PIGN: variants seen among roughly 807,000 people sequenced by gnomAD.
PIGN encodes GPI ethanolamine phosphate transferase 1.
Under a neutral mutation model 125.4 loss-of-function variants are expected in PIGN, and 117 were observed. The ratio of observed to expected loss-of-function variants is 0.93; its 90% CI spans 0.80 to 1.09. The LOEUF is 1.09. PIGN is among the 50% of genes least tolerant of loss of function. PIGN has a pLI of 0.00. For missense variants in PIGN, 1,075 were observed against 1,094.9 expected, an observed-to-expected ratio of 0.98 and a Z score of 0.26; for synonymous variants, 392 against 377.8, an observed-to-expected ratio of 1.04 and a Z score of -0.44.
chr18:62,161,377 CA>C lies in PIGN; in HGVS notation c.-25del. ...ATATCCAGTGTAACTAATTAGTCTT[CA>C]AGAACAGCTGAAAGAGAGAACAAAA... On this transcript the variant is annotated 5_prime_UTR_variant, in exon 4 of 31. The change creates a premature stop within an existing upstream ORF in the 5' untranslated region. Coordinates refer to ENST00000640252, the MANE Select transcript of PIGN (RefSeq NM_176787.5). 1 of 1,509,622 alleles carries C rather than the reference CA, an allele frequency of 6.6e-7. No homozygotes were observed. Among genetic ancestry groups the C allele is most frequent in the Non-Finnish European group, 9.2e-7 (1 of 1,091,118 alleles). The allele number at this position is 1,509,622 out of a possible 1,614,324, so 93.5% of individuals were successfully genotyped here.
At chr18:62,127,934 T>C (rs1027674740) in intron 14 of PIGN, among the ~76,000 whole-genome samples, 6 of 152,022 alleles carry the variant, frequency 3.9e-5, no homozygotes, top group South Asian at 2.1e-4. Flanking sequence ...CAATTAAAAA[T>C]ACATGGTGCT....
chr18:62,166,273 A>G (rs1673763409), intron 1 of PIGN, among the ~76,000 whole-genome samples: 1 of 152,220 alleles, frequency 6.6e-6, no homozygotes, highest in Non-Finnish European at 1.5e-5. Flanking sequence ...ACCCTGCAGC[A>G]GGCTTCTTCT....
At chr18:62,036,023 A>C (rs1422004933) in intron 23 of PIGN, among the ~76,000 whole-genome samples, 1 of 152,006 alleles carries the variant, frequency 6.6e-6, no homozygotes, top group East Asian at 1.9e-4. Context: ...CATTATTCCT[A>C]GGTTGCAAAA....
At chr18:62,170,882 G>A (rs1036528531) in intron 1 of PIGN, among the ~76,000 whole-genome samples, 1 of 152,200 alleles carries the variant, frequency 6.6e-6, no homozygotes, top group African/African-American at 2.4e-5. Context: ...TTGCTGATAT[G>A]AAGAAAATTT....
At chr18:62,156,644 T>C (rs1242284770) in intron 6 of PIGN, among the ~76,000 whole-genome samples, 1 of 152,164 alleles carries the variant, frequency 6.6e-6, no homozygotes, top group Non-Finnish European at 1.5e-5. Context: ...GTTTAAATCT[T>C]TATATGAGTA....
At chr18:62,160,236 T>C (rs17716045) in intron 4 of PIGN, among the ~76,000 whole-genome samples, 88,701 of 152,120 alleles carry the variant, frequency 0.58, 26,646 homozygotes, top group East Asian at 0.79. Flanking sequence ...AATCTCTCCA[T>C]AACAGCATTA....
intron 7 of PIGN, among the ~76,000 whole-genome samples, chr18:62,153,125 C>T (rs554753688): frequency 6.6e-6 from 1 of 152,266 alleles, no homozygotes; most frequent in African/African-American, 2.4e-5. Flanking sequence ...TGTTGGCCTG[C>T]AATACCTTTC....
chr18:62,171,144 A>G (rs2037332812), intron 1 of PIGN, among the ~76,000 whole-genome samples: 1 of 152,198 alleles, frequency 6.6e-6, no homozygotes, highest in Admixed American at 6.5e-5. Flanking sequence ...ATAACTCTCC[A>G]TTTATTTAGG....
chr18:62,091,607 G>A (rs1043876683), intron 23 of PIGN, among the ~76,000 whole-genome samples: 3 of 152,114 alleles, frequency 2.0e-5, no homozygotes, highest in East Asian at 3.9e-4. Flanking sequence ...CATGTCCACC[G>A]GGGAATGATT....
chr18:62,102,996 C>T, intron 20 of PIGN, 94 bp from the exon 21 acceptor site: 1 of 555,282 alleles, frequency 1.8e-6, no homozygotes, highest in Non-Finnish European at 2.9e-6. Context: ...AATACAGAAC[C>T]TCTCAGTCAT....
At chr18:62,107,340 A>G (rs908815096) in intron 17 of PIGN, 7 of 377,920 alleles carry the variant, frequency 1.9e-5, no homozygotes, top group Non-Finnish European at 3.4e-5. Context: ...CAGGCCTGTA[A>G]TCCCAGCACT....
intron 14 of PIGN, 148 bp downstream of exon 14, chr18:62,138,095 A>G (rs776264105): frequency 1.3e-4 from 149 of 1,115,244 alleles, no homozygotes; most frequent in Non-Finnish European, 1.8e-4. Flanking sequence ...AACAACAGCA[A>G]TAGAAGAGGA....
At chr18:62,169,172 A>G (rs4941117) in intron 1 of PIGN, among the ~76,000 whole-genome samples, 62,548 of 151,994 alleles carry the variant, frequency 0.41, 13,545 homozygotes, top group East Asian at 0.78. Context: ...TTCTACCACT[A>G]TAGATTTGTT....
chr18:62,050,236 G>T (rs1455950659), intron 30 of PIGN, among the ~76,000 whole-genome samples: 2 of 152,298 alleles, frequency 1.3e-5, no homozygotes, highest in Admixed American at 6.5e-5. Flanking sequence ...ATTCTGTGAA[G>T]AAAGGCATTG....
At chr18:62,048,139 C>A (rs528174273) in intron 30 of PIGN, among the ~76,000 whole-genome samples, 3 of 151,978 alleles carry the variant, frequency 2.0e-5, no homozygotes, top group Non-Finnish European at 4.4e-5. Context: ...GATAAAACAA[C>A]AGAATTTACC....
intron 23 of PIGN, among the ~76,000 whole-genome samples, chr18:62,028,050 C>T (rs1482706389): frequency 2.6e-5 from 4 of 152,260 alleles, no homozygotes; most frequent in African/African-American, 9.6e-5. Flanking sequence ...CTGTGCTCCC[C>T]TGTGGCAAGG....
intron 14 of PIGN, among the ~76,000 whole-genome samples, chr18:62,124,749 G>A (rs1270109516): frequency 2.0e-5 from 3 of 151,920 alleles, no homozygotes; most frequent in African/African-American, 4.8e-5. Context: ...TTTTTGTTGT[G>A]TTTCCTTTCA....
rs1416607379 is a variant in PIGN, at chr18:62,140,456, A to G, written c.987T>C (p.Thr329=). The change falls in exon 12 of 31, where the codon ACT becomes ACC. Residue 329 remains threonine (T), a synonymous_variant. Transcript: ENST00000640252. ...VNQADIAPLM[T]SLIGVPFPLN... is the part of the protein sequence containing the mutation. ...GAGGAAAGGGAACTCCAATAAGGGA[A>G]GTCATCAATGGTGCAATATCAGCCT... 1 of 1,556,880 alleles carries G rather than the reference A, an allele frequency of 6.4e-7. No homozygotes were observed. Among genetic ancestry groups the G allele is most frequent in the Non-Finnish European group, 8.8e-7 (1 of 1,138,482 alleles).
At chr18:62,024,567 T>A (rs950831070) in intron 23 of PIGN, among the ~76,000 whole-genome samples, 2 of 152,232 alleles carry the variant, frequency 1.3e-5, no homozygotes, top group Admixed American at 1.3e-4. Flanking sequence ...CAATTTTCTT[T>A]TGCTCTATAA....
Sources: allele counts gnomAD v4.1 joint callset (sites outside exome capture counted in the v4.1 genomes callset), GRCh38; gene constraint gnomAD v4.1.1; transcripts MANE v1.5; gene names NCBI Gene and HGNC (gene_info 2026-07-23, HGNC 2026-07-21).